Variants in KCNK10 observed in about 807,000 individuals in gnomAD.
KCNK10 encodes potassium two pore domain channel subfamily K member 10.
KCNK10 carries 25 observed loss-of-function variants against 47.7 expected under a neutral mutation model. That is an observed-to-expected ratio of 0.52 (90% CI 0.38 to 0.73). KCNK10 has a LOEUF of 0.73. KCNK10 is among the 30% of genes least tolerant of loss of function. The pLI is 0.00. For synonymous variants in KCNK10, 303 were observed against 285.6 expected, an observed-to-expected ratio of 1.06 and a Z score of -0.61; for missense variants, 563 against 714.5, an observed-to-expected ratio of 0.79 and a Z score of 2.42.
At chr14:88,237,327 T>C (rs1886326621) in intron 3 of KCNK10, among the ~76,000 whole-genome samples, 2 of 152,222 alleles carry the variant, frequency 1.3e-5, no homozygotes, top group Admixed American at 6.5e-5. Flanking sequence ...TAGTGAAGTC[T>C]TGAAGCTCTC....
intron 1 of KCNK10, among the ~76,000 whole-genome samples, chr14:88,275,097 G>A (rs1054660405): frequency 6.6e-6 from 1 of 152,082 alleles, no homozygotes; most frequent in Non-Finnish European, 1.5e-5. Flanking sequence ...TGATACCTGG[G>A]CTTTCCCTGA....
At chr14:88,228,475 A>T (rs1335455393) in intron 3 of KCNK10, among the ~76,000 whole-genome samples, 1 of 152,176 alleles carries the variant, frequency 6.6e-6, no homozygotes, top group Non-Finnish European at 1.5e-5. Flanking sequence ...TAAATTAATT[A>T]ATATTCATTT....
At chr14:88,239,505 C>T (rs1157201691) in intron 3 of KCNK10, among the ~76,000 whole-genome samples, 1 of 152,152 alleles carries the variant, frequency 6.6e-6, no homozygotes, top group South Asian at 2.1e-4. Flanking sequence ...TTATAGGGAT[C>T]GAATACATGC....
intron 2 of KCNK10, among the ~76,000 whole-genome samples, chr14:88,257,209 C>T (rs2139745557): frequency 6.6e-6 from 1 of 152,262 alleles, no homozygotes; most frequent in South Asian, 2.1e-4. Context: ...TTCCTCCAAC[C>T]CAACTTCCTC....
At chr14:88,285,866 C>T (rs779914786) in intron 1 of KCNK10, among the ~76,000 whole-genome samples, 29 of 152,152 alleles carry the variant, frequency 1.9e-4, no homozygotes, top group Non-Finnish European at 8.8e-5. Context: ...TTAATATTCC[C>T]CCCGTGAGAA....
intron 1 of KCNK10, among the ~76,000 whole-genome samples, chr14:88,311,686 C>T (rs758762336): frequency 4.3e-4 from 65 of 152,150 alleles, no homozygotes; most frequent in Admixed American, 9.2e-4. Flanking sequence ...AATGGAAAAG[C>T]GGAAGAAATT....
chr14:88,279,136 C>T (rs939508547), intron 1 of KCNK10, among the ~76,000 whole-genome samples: 3 of 152,140 alleles, frequency 2.0e-5, no homozygotes, highest in African/African-American at 4.8e-5. Flanking sequence ...TCAACAGCTG[C>T]TAATTTTCCC....
Position 88,263,493 on chromosome 14 carries a change from G to C in KCNK10, c.111C>G (p.Pro37=), listed in dbSNP as rs752367741. The C allele has an allele frequency of 6.2e-7, 1 of 1,613,702 alleles. No homozygotes were observed. The highest frequency in any genetic ancestry group is 8.5e-7 in the Non-Finnish European group (1 of 1,180,008). The stretch of plus-strand genomic sequence containing the variant: ...GAGTTGGAGTCGGAGCCGGAGCCGG[G>C]GGTTGCCCGTTAGTGGCGCTCTTGG... The part of the protein sequence containing the change: ...CQPKSATNGQ[P]PAPAPTPTPR... Residue 37 remains proline (P), a synonymous_variant, in exon 2 of 7, where the codon CCC becomes CCG. Transcript: ENST00000319231.
rs28377480 is a variant in KCNK10 at position 88,234,141 on chromosome 14, G to A, written c.520+6562C>T. On this transcript the variant is annotated intron_variant, in intron 3 of 6. Transcript: ENST00000319231. ...TTCAGGTTGCTAACACTTTTTGCCC[G>A]TATACTAAATGGTGTCAGGCCACCC... Among the ~76,000 whole-genome samples the A allele has an allele frequency of 9.9e-5, 15 of 152,248 alleles. No individual in the cohort carries two copies. The South Asian group carries it at 2.3e-3, about 23-fold the overall frequency.
intron 1 of KCNK10, among the ~76,000 whole-genome samples, chr14:88,293,609 T>C (rs987297094): frequency 2.0e-5 from 3 of 152,002 alleles, no homozygotes; most frequent in African/African-American, 7.2e-5. Flanking sequence ...ACCATGATTC[T>C]TTGCCTGGAC....
intron 1 of KCNK10, among the ~76,000 whole-genome samples, chr14:88,293,356 A>G (rs1330949271): frequency 6.6e-6 from 1 of 152,202 alleles, no homozygotes; most frequent in Admixed American, 6.5e-5. Flanking sequence ...CAAATCCCAC[A>G]GAGCTAGAAT....
At chr14:88,241,268 G>A (rs375383449) in intron 2 of KCNK10, among the ~76,000 whole-genome samples, 72 of 152,216 alleles carry the variant, frequency 4.7e-4, no homozygotes, top group Non-Finnish European at 8.8e-4. Flanking sequence ...GGAGTTAAGA[G>A]CCATCCTGGC....
upstream of KCNK10, among the ~76,000 whole-genome samples, chr14:88,325,274 G>A (rs1888636882): frequency 6.6e-6 from 1 of 152,192 alleles, no homozygotes; most frequent in African/African-American, 2.4e-5. Flanking sequence ...CTCTAGCACA[G>A]TCACTGCAAT....
chr14:88,258,584 C>T (rs926839713), intron 2 of KCNK10, among the ~76,000 whole-genome samples: 1 of 152,174 alleles, frequency 6.6e-6, no homozygotes, highest in Admixed American at 6.5e-5. Flanking sequence ...CCACCGAACC[C>T]GGCCGCGTCT....
intron 4 of KCNK10, among the ~76,000 whole-genome samples, chr14:88,196,683 A>G (rs926015619): frequency 2.6e-5 from 4 of 152,198 alleles, no homozygotes; most frequent in Non-Finnish European, 5.9e-5. Flanking sequence ...TAAAAATCCT[A>G]AGACAGAAGC....
At chr14:88,235,177 A>T (rs1461762287) in intron 3 of KCNK10, 2 of 456,590 alleles carry the variant, frequency 4.4e-6, no homozygotes, top group Non-Finnish European at 8.8e-6. Flanking sequence ...GAGAGTTAGG[A>T]TGTGCTGTCT....
At chr14:88,320,797 T>G (rs1888530714) in intron 1 of KCNK10, among the ~76,000 whole-genome samples, 1 of 152,174 alleles carries the variant, frequency 6.6e-6, no homozygotes, top group Non-Finnish European at 1.5e-5. Flanking sequence ...TTTTGAAACT[T>G]AGCTCAAATC....
At chr14:88,279,484 C>T (rs186524039) in intron 1 of KCNK10, among the ~76,000 whole-genome samples, 1 of 151,500 alleles carries the variant, frequency 6.6e-6, no homozygotes, top group Non-Finnish European at 1.5e-5. Flanking sequence ...CTACCAGATT[C>T]AGGAAACAAA....
chr14:88,209,222 T>C (rs1401594693), intron 4 of KCNK10, among the ~76,000 whole-genome samples: 1 of 152,238 alleles, frequency 6.6e-6, no homozygotes, highest in Admixed American at 6.5e-5. Context: ...CTTTGATGCA[T>C]TTTTATAAAA....
Sources: gnomAD v4.1 joint callset for allele counts (sites outside exome capture counted in the v4.1 genomes callset) on GRCh38, gnomAD v4.1.1 for gene constraint, MANE v1.5 for transcripts, NCBI Gene and HGNC (gene_info 2026-07-23, HGNC 2026-07-21) for gene names.